ITGBL1: variants seen among roughly 807,000 people sequenced by gnomAD.
ITGBL1 encodes the protein integrin subunit beta like 1.
In ITGBL1, 51 loss-of-function variants were observed where a neutral mutation model predicts 68.5. The ratio of observed to expected loss-of-function variants is 0.74; its 90% CI spans 0.59 to 0.94. The LOEUF is 0.94. Ranked by LOEUF, ITGBL1 falls within the 40% of genes least tolerant of loss-of-function variation. The pLI, the probability that ITGBL1 is intolerant of heterozygous loss-of-function variation, is 0.00. For synonymous variants in ITGBL1, 209 were observed against 227.3 expected, an observed-to-expected ratio of 0.92 and a Z score of 0.72; for missense variants, 649 against 647.4, an observed-to-expected ratio of 1.00 and a Z score of -0.03.
chr13:101,471,135 C>T (rs2048451036), intron 2 of ITGBL1, among the ~76,000 whole-genome samples: 1 of 152,120 alleles, frequency 6.6e-6, no homozygotes, highest in Admixed American at 6.5e-5. Flanking sequence ...AATTAAATGT[C>T]ATTTTCATAT....
chr13:101,583,029 C>CT (rs2050488002), intron 5 of ITGBL1, among the ~76,000 whole-genome samples, 187 bp from the exon 6 acceptor site: 2 of 152,010 alleles, frequency 1.3e-5, no homozygotes, highest in Non-Finnish European at 2.9e-5. Flanking sequence ...TAGATAATAA[C>CT]TTTTGTTTAT....
At chr13:101,462,383 C>A (rs2048329340) in intron 2 of ITGBL1, among the ~76,000 whole-genome samples, 1 of 152,172 alleles carries the variant, frequency 6.6e-6, no homozygotes, top group African/African-American at 2.4e-5. Context: ...GTATGGCTAT[C>A]TTTGAAGGCC....
chr13:101,581,570 C>T lies in ITGBL1; in HGVS notation c.728-1646C>T, dbSNP rs576058684. On this transcript the variant is annotated intron_variant, in intron 5 of 10. Transcript: ENST00000376180. ...GATTTGTAATTTTACAGTTTTATTT[C>T]ATGATATATGTTGTTTATCTTTCCA... is the stretch of plus-strand genomic sequence containing the variant. 1.1e-4 allele frequency among the ~76,000 whole-genome samples: 17 copies of T among 152,180 alleles called. 1 individual carries two copies. In the South Asian group the frequency reaches 3.5e-3, roughly 32 times the overall value.
chr13:101,569,423 A>G (rs1355406566), intron 3 of ITGBL1, among the ~76,000 whole-genome samples: 4 of 152,192 alleles, frequency 2.6e-5, no homozygotes, highest in African/African-American at 9.6e-5. Flanking sequence ...AACATATTTG[A>G]TACAATGTAA....
At position 101,480,014 on chromosome 13, in the gene ITGBL1, T is replaced by G. The variant is rs117373514; in HGVS notation, c.316+25914T>G. 8.6e-3 allele frequency among the ~76,000 whole-genome samples: 1,311 copies of G among 152,180 alleles called. 5 individuals are homozygous for G. The highest frequency in any genetic ancestry group is 0.014 in the Non-Finnish European group (975 of 67,934). On this transcript the variant is annotated intron_variant, in intron 2 of 10. Transcript: ENST00000376180. Reference sequence around the variant, plus strand: ...CAGGGTATGGAAGAGATATCTGCCCTGTTATGTTTATTGCAGCACTATTCA... The same window carrying G: ...CAGGGTATGGAAGAGATATCTGCCCGGTTATGTTTATTGCAGCACTATTCA...
chr13:101,602,618 A>G (rs1013210314), intron 7 of ITGBL1, among the ~76,000 whole-genome samples: 1 of 151,836 alleles, frequency 6.6e-6, no homozygotes, highest in Admixed American at 6.6e-5. Flanking sequence ...TTCACATACC[A>G]CTCAGTATTT....
At chr13:101,697,985 A>G (rs1228911642) in intron 8 of ITGBL1, among the ~76,000 whole-genome samples, 2 of 152,184 alleles carry the variant, frequency 1.3e-5, no homozygotes, top group African/African-American at 2.4e-5. Flanking sequence ...TTCCAAAGCA[A>G]TTAGTCCCCC....
At chr13:101,643,698 A>C (rs1301229598) in intron 7 of ITGBL1, among the ~76,000 whole-genome samples, 1 of 152,180 alleles carries the variant, frequency 6.6e-6, no homozygotes, top group Non-Finnish European at 1.5e-5. Flanking sequence ...TACAGGGTAC[A>C]GGGGAGCAAT....
chr13:101,654,908 T>C (rs982810388), intron 7 of ITGBL1, among the ~76,000 whole-genome samples: 1 of 151,962 alleles, frequency 6.6e-6, no homozygotes, highest in Non-Finnish European at 1.5e-5. Flanking sequence ...ACAGGCAGAT[T>C]TCAGTTAGAG....
intron 7 of ITGBL1, among the ~76,000 whole-genome samples, chr13:101,605,644 G>T (rs1350713583): frequency 6.7e-6 from 1 of 149,282 alleles, no homozygotes; most frequent in Non-Finnish European, 1.5e-5. Flanking sequence ...ATGTATGTGT[G>T]TATGCGTATG....
chr13:101,617,564 T>C (rs1009133304), intron 7 of ITGBL1, among the ~76,000 whole-genome samples: 18 of 152,208 alleles, frequency 1.2e-4, no homozygotes, highest in African/African-American at 3.6e-4. Flanking sequence ...TTAATTTCTA[T>C]GCTAATCAAG....
rs377132498 is a variant in ITGBL1 at position 101,483,172 on chromosome 13, C to A, written c.316+29072C>A. On this transcript the variant is annotated intron_variant, in intron 2 of 10. Coordinates refer to ENST00000376180, the MANE Select transcript of ITGBL1 (RefSeq NM_004791.3). ...ACAGTAGATACATATCATCACAGCACCCTGTCCAGTGGACAGAGAAATTAT... is the reference window on the plus strand; with the variant it reads ...ACAGTAGATACATATCATCACAGCAACCTGTCCAGTGGACAGAGAAATTAT... Among the ~76,000 whole-genome samples, 83 of 150,808 alleles carry A rather than the reference C, an allele frequency of 5.5e-4. 1 individual carries two copies. In the South Asian group the frequency reaches 0.017, roughly 32 times the overall value.
At chr13:101,692,418 T>C (rs2033900255) in intron 7 of ITGBL1, among the ~76,000 whole-genome samples, 167 bp from the exon 8 acceptor site, 2 of 152,194 alleles carry the variant, frequency 1.3e-5, no homozygotes, top group Non-Finnish European at 2.9e-5. Context: ...CTTCTTGAAC[T>C]TCAGCTTACC....
Position 101,692,630 on chromosome 13 carries a change from G to T in ITGBL1, c.1061G>T (p.Arg354Leu). 1 of 1,613,780 alleles carries T rather than the reference G, an allele frequency of 6.2e-7. No homozygotes were observed. The highest frequency in any genetic ancestry group is 8.5e-7 in the Non-Finnish European group (1 of 1,179,766). The change falls in exon 8 of 11, where the codon CGC (arginine) becomes CTC (leucine). Residue 354 changes from arginine (R) to leucine (L), a missense_variant. Arg to Leu is a moderately radical substitution (Grantham distance 102). Transcript: ENST00000376180. ...TGCACCTGCTATCCTCCAGGAGATC[G>T]CCGGGTGTATGGCAAGACTTGTGAG... The part of the protein sequence containing the change: ...GKCTCYPPGD[R>L]RVYGKTCECD...
At chr13:101,628,437 C>CTTTTTTTTTTTTTTTTT (rs986031242) in intron 7 of ITGBL1, among the ~76,000 whole-genome samples, 1 of 139,628 alleles carries the variant, frequency 7.2e-6, no homozygotes. Context: ...TTTTCTTTTT[C>CTTTTTTTTTTTTTTTTT]TTTTTTTTTT....
intron 7 of ITGBL1, among the ~76,000 whole-genome samples, chr13:101,647,787 G>A (rs1194740878): frequency 2.0e-5 from 3 of 152,108 alleles, no homozygotes; most frequent in East Asian, 1.9e-4. Context: ...AAGGAGGTGC[G>A]AAAAAGGGAG....
chr13:101,598,266 C>T lies in ITGBL1; in HGVS notation c.982C>T (p.Gln328Ter). 6.2e-7 allele frequency: 1 copy of T among 1,613,218 alleles called. No individual in the cohort carries two copies. Residue 328 changes from glutamine to a stop codon, truncating the protein, a stop_gained, in exon 7 of 11, where the codon CAG becomes TAG. Transcript: ENST00000376180. LOFTEE classifies it high-confidence loss of function. ...LSAEESIRKCQGSSDLPCSGR... is the reference protein window; with the variant it reads ...LSAEESIRKC ...AGCTGAGGAGAGCATCAGGAAGTGC[C>T]AGGGAAGCTCGGATCTGCCTTGCTC... is the stretch of plus-strand genomic sequence containing the variant.
At chr13:101,719,137 ATAT>A (rs1352313674), downstream of ITGBL1, 51 of 152,270 alleles carry the variant, frequency 3.3e-4, no homozygotes, top group African/African-American at 1.2e-3. Flanking sequence ...ATGATCCATA[ATAT>A]TAGGGAGATA....
chr13:101,612,134 T>C (rs1221680183), intron 7 of ITGBL1, among the ~76,000 whole-genome samples: 2 of 152,246 alleles, frequency 1.3e-5, no homozygotes, highest in African/African-American at 4.8e-5. Flanking sequence ...GGCAAGATTC[T>C]TTGGCTTCCT....
Sources: allele counts gnomAD v4.1 joint callset (sites outside exome capture counted in the v4.1 genomes callset), GRCh38; gene constraint gnomAD v4.1.1; transcripts MANE v1.5; gene names NCBI Gene and HGNC (gene_info 2026-07-23, HGNC 2026-07-21).